DNAH10: variants seen among roughly 807,000 people sequenced by gnomAD.
The protein encoded by DNAH10 is axonemal beta dynein heavy chain 10.
A neutral mutation model predicts 506.6 loss-of-function variants in DNAH10; 348 were observed. The observed-to-expected ratio is 0.69, with a 90% confidence interval of 0.63 to 0.75. The LOEUF (loss-of-function observed/expected upper bound fraction) is 0.75. Ranked by LOEUF, DNAH10 falls within the 30% of genes least tolerant of loss-of-function variation. DNAH10 has a pLI of 0.00. For missense variants in DNAH10, 5,179 were observed against 5,787.1 expected, an observed-to-expected ratio of 0.89 and a Z score of 3.41; for synonymous variants, 2,059 against 2,198.6, an observed-to-expected ratio of 0.94 and a Z score of 1.78.
chr12:123,821,663 G>A (rs1018672394), intron 24 of DNAH10, among the ~76,000 whole-genome samples: 3 of 151,264 alleles, frequency 2.0e-5, no homozygotes, highest in African/African-American at 4.9e-5. Flanking sequence ...TGATTAAAAT[G>A]ACAATTTTTT....
intron 46 of DNAH10, among the ~76,000 whole-genome samples, chr12:123,874,779 A>G (rs985566339): frequency 6.6e-6 from 1 of 152,242 alleles, no homozygotes; most frequent in Non-Finnish European, 1.5e-5. Flanking sequence ...AACAGGTGAA[A>G]CCAAGAGAAG....
At chr12:123,794,839 C>A (rs1479854108) in intron 12 of DNAH10, among the ~76,000 whole-genome samples, 3 of 141,758 alleles carry the variant, frequency 2.1e-5, no homozygotes, top group Non-Finnish European at 4.6e-5. Context: ...AGAGTGAAAC[C>A]CTGTCTAAAA....
intron 2 of DNAH10, among the ~76,000 whole-genome samples, chr12:123,770,971 A>ACTT (rs1283951087): frequency 0.038 from 4,492 of 117,552 alleles, 221 homozygotes; most frequent in African/African-American, 0.12. Flanking sequence ...GCTAGCTGTA[A>ACTT]TTCTTTTTTT....
intron 19 of DNAH10, among the ~76,000 whole-genome samples, chr12:123,812,227 G>A (rs1216950812): frequency 2.6e-5 from 4 of 152,038 alleles, no homozygotes; most frequent in African/African-American, 9.7e-5. Context: ...CGAGGTGGGC[G>A]GATCACGAGG....
intron 51 of DNAH10, among the ~76,000 whole-genome samples, chr12:123,884,405 C>G (rs538245544): frequency 6.6e-6 from 1 of 152,304 alleles, no homozygotes; most frequent in East Asian, 1.9e-4. Flanking sequence ...GATAGACTGG[C>G]TGGCTCGTGG....
At chr12:123,816,651 T>A (rs1448832806) in intron 21 of DNAH10, among the ~76,000 whole-genome samples, 1 of 152,184 alleles carries the variant, frequency 6.6e-6, no homozygotes, top group Admixed American at 6.6e-5. Flanking sequence ...CAGCAAATGG[T>A]CAAATGTGAA....
chr12:123,844,314 G>A (rs1245162698), intron 30 of DNAH10, among the ~76,000 whole-genome samples: 1 of 152,164 alleles, frequency 6.6e-6, no homozygotes, highest in African/African-American at 2.4e-5. Context: ...GAGACGAGAC[G>A]TGGGTGGGGA....
chr12:123,783,754 G>A (rs1957749354), intron 7 of DNAH10, among the ~76,000 whole-genome samples, 193 bp from the exon 8 acceptor site: 2 of 152,318 alleles, frequency 1.3e-5, no homozygotes, highest in South Asian at 4.1e-4. Context: ...GAAAGGCAGA[G>A]TGTGTTTCTA....
rs12427004 is a variant in DNAH10, at chr12:123,886,853, T to C, written c.8824-289T>C. 0.012 allele frequency among the ~76,000 whole-genome samples: 1,825 copies of C among 152,344 alleles called. 110 individuals are homozygous for C. The East Asian group carries it at 0.18, about 15-fold the overall frequency. On this transcript the variant is annotated intron_variant, in intron 51 of 78. Coordinates refer to ENST00000673944, the MANE Select transcript of DNAH10 (RefSeq NM_001372106.1). Reference sequence around the variant, plus strand: ...GTTAAAGTGCCTGCTTATTTCTCCCTGTGTGCGTCTTCCCACAGGGTCTGA... The same window carrying C: ...GTTAAAGTGCCTGCTTATTTCTCCCCGTGTGCGTCTTCCCACAGGGTCTGA...
At position 123,846,009 on chromosome 12, in the gene DNAH10, T is replaced by G. The variant is rs1479551042; in HGVS notation, c.5669T>G (p.Leu1890Trp). 1.2e-6 allele frequency: 2 copies of G among 1,613,978 alleles called. No individual in the cohort carries two copies. The highest frequency in any genetic ancestry group is 3.3e-5 in the Admixed American group (2 of 60,020). Residue 1890 changes from leucine to tryptophan, a missense_variant, in exon 32 of 79, where the codon TTG becomes TGG. Physicochemically the swap from Leu to Trp is moderately conservative, Grantham distance 61. This residue lies in a region of DNAH10 where 4,844 missense variants were observed against 5,430.5 expected (regional missense o/e 0.89). Coordinates refer to ENST00000673944, the MANE Select transcript of DNAH10 (RefSeq NM_001372106.1). The surrounding 1 kb of genome is among the most constrained non-coding windows in gnomAD (Gnocchi z 4.5). ...EAREFDWESQ[L>W]RFYWDREPDE... is the part of the protein sequence containing the mutation. The stretch of plus-strand genomic sequence containing the variant: ...CGAGAGTTTGACTGGGAAAGTCAGT[T>G]GCGGTTTTATTGGGACCGGGAGCCG...
At chr12:123,775,747 A>G (rs1037243770) in intron 5 of DNAH10, among the ~76,000 whole-genome samples, 9 of 152,092 alleles carry the variant, frequency 5.9e-5, no homozygotes, top group African/African-American at 2.2e-4. Flanking sequence ...GTGGGAAAAC[A>G]TATTGCTGGG....
At chr12:123,867,116 G>A (rs1345259415) in intron 41 of DNAH10, among the ~76,000 whole-genome samples, 2 of 151,900 alleles carry the variant, frequency 1.3e-5, no homozygotes, top group Non-Finnish European at 2.9e-5. Context: ...TGATAGGGAG[G>A]GGACCTTCAC....
chr12:123,828,126 A>G (rs1221181667), intron 25 of DNAH10, among the ~76,000 whole-genome samples: 1 of 151,716 alleles, frequency 6.6e-6, no homozygotes, highest in East Asian at 1.9e-4. Flanking sequence ...ATAAACTTCC[A>G]CCACCACTGT....
chr12:123,824,001 T>G (rs1402388937), intron 24 of DNAH10, among the ~76,000 whole-genome samples: 1 of 152,176 alleles, frequency 6.6e-6, no homozygotes, highest in Non-Finnish European at 1.5e-5. Context: ...ATTTATTTTT[T>G]CCTAGCAATT....
rs1482321283 is a variant in DNAH10 at position 123,808,799 on chromosome 12, A to C, written c.2990A>C (p.Asn997Thr). ...YEVLTKLILK[N>T]LQSFNSLILG... ...TCTTTCTCATCAACCCCTCTTAGGA[A>C]CTTGCAGTCTTTTAATTCTTTGATC... The change falls in exon 19 of 79, where the codon AAC (asparagine) becomes ACC (threonine). Residue 997 changes from asparagine (N) to threonine (T), a missense_variant and splice_region_variant. By Grantham distance (65) the Asn-to-Thr change is moderately conservative. Coordinates refer to ENST00000673944, the MANE Select transcript of DNAH10 (RefSeq NM_001372106.1). 3 of 1,613,842 alleles carry C rather than the reference A, an allele frequency of 1.9e-6. No individual in the cohort carries two copies. The highest frequency in any genetic ancestry group is 2.5e-6 in the Non-Finnish European group (3 of 1,179,976).
chr12:123,798,507 C>T (rs1028100015), intron 13 of DNAH10, among the ~76,000 whole-genome samples: 3 of 152,118 alleles, frequency 2.0e-5, no homozygotes, highest in Non-Finnish European at 2.9e-5. Context: ...ACGAGAATTC[C>T]GCCTTCGTGA....
chr12:123,787,733 C>T lies in DNAH10; in HGVS notation c.1422-71C>T, dbSNP rs1268111881. On this transcript the variant is annotated intron_variant, in intron 9 of 78. Transcript: ENST00000673944. This position sits in a 1 kb window ranked among gnomAD's most constrained non-coding sequence, Gnocchi z 4.6. The stretch of plus-strand genomic sequence containing the variant: ...TCAGAGCTTCACGGGACACTGGCTC[C>T]CCAGCCGGGGAGTGCGGCTCGGACC... 29 of 1,553,590 alleles carry T rather than the reference C, an allele frequency of 1.9e-5. No individual in the cohort carries two copies. The highest frequency in any genetic ancestry group is 2.4e-5 in the Non-Finnish European group (27 of 1,145,164).
chr12:123,921,106 CT>C (rs1954700578), intron 65 of DNAH10, among the ~76,000 whole-genome samples: 1 of 152,186 alleles, frequency 6.6e-6, no homozygotes, highest in Non-Finnish European at 1.5e-5. Context: ...AGAAACCTAC[CT>C]GATTGCTGGG....
Position 123,923,815 on chromosome 12 carries a change from A to G in DNAH10, c.11559A>G (p.Ile3853Met), listed in dbSNP as rs919123795. 1.9e-6 allele frequency: 3 copies of G among 1,613,048 alleles called. No homozygotes were observed. The highest frequency in any genetic ancestry group is 2.5e-6 in the Non-Finnish European group (3 of 1,179,688). The stretch of plus-strand genomic sequence containing the variant: ...TTTCTTTTAATATGACCATCAAGAT[A>G]GAACAAGCAGAAGGGAGAGTCCCTC... ...LLFSFNMTIK[I>M]EQAEGRVPQE... Residue 3853 changes from isoleucine (I) to methionine (M), a missense_variant, in exon 66 of 79, where the codon ATA (isoleucine) becomes ATG (methionine). Coordinates refer to ENST00000673944, the MANE Select transcript of DNAH10 (RefSeq NM_001372106.1).
Sources: allele counts gnomAD v4.1 joint callset (sites outside exome capture counted in the v4.1 genomes callset), GRCh38; gene constraint gnomAD v4.1.1; regional missense constraint gnomAD v4.1.1; non-coding constraint Gnocchi (gnomAD v3.1); transcripts MANE v1.5; gene names NCBI Gene and HGNC (gene_info 2026-07-23, HGNC 2026-07-21).